IQCM: variants seen among roughly 807,000 people sequenced by gnomAD.
The protein encoded by IQCM is IQ motif containing M.
In IQCM, 45 loss-of-function variants were observed where a neutral mutation model predicts 57.6. The ratio of observed to expected loss-of-function variants is 0.78; its 90% confidence interval spans 0.62 to 1.00. The LOEUF is 1.00. IQCM is among the 50% of genes least tolerant of loss of function. The pLI is 0.00. For synonymous variants in IQCM, 148 were observed against 158.9 expected (o/e 0.93, Z 0.51); for missense variants, 468 against 511.6 (o/e 0.91, Z 0.82).
chr4:149,491,762 CT>C (rs1356892592), intron 12 of IQCM, among the ~76,000 whole-genome samples: 2 of 151,968 alleles, frequency 1.3e-5, no homozygotes, highest in Non-Finnish European at 2.9e-5. Context: ...TTTCCTTTGT[CT>C]ACACACTCAG....
chr4:149,370,532 CATACACACT>C (rs1200700656), intron 13 of IQCM, among the ~76,000 whole-genome samples: 1 of 151,660 alleles, frequency 6.6e-6, no homozygotes, highest in Non-Finnish European at 1.5e-5. Context: ...TACACACACA[CATACACACT>C]ATACACACAC....
intron 12 of IQCM, among the ~76,000 whole-genome samples, chr4:149,469,982 A>G (rs932212732): frequency 1.3e-5 from 2 of 152,224 alleles, no homozygotes; most frequent in Non-Finnish European, 2.9e-5. Context: ...AGCACTAAAC[A>G]TGGAAAGGAA....
intron 8 of IQCM, among the ~76,000 whole-genome samples, chr4:149,595,546 A>C: frequency 6.6e-6 from 1 of 152,156 alleles, no homozygotes; most frequent in Non-Finnish European, 1.5e-5. Flanking sequence ...TGGGCTATTA[A>C]CACTAGCATT....
chr4:149,515,071 C>CGTGTGTGTGTGTGTGTGTGT (rs58534209), intron 12 of IQCM, among the ~76,000 whole-genome samples: 2 of 142,794 alleles, frequency 1.4e-5, no homozygotes, highest in Non-Finnish European at 3.0e-5. Context: ...TATATATACA[C>CGTGTGTGTGTGTGTGTGTGT]GTGTGTGTGT....
intron 2 of IQCM, among the ~76,000 whole-genome samples, chr4:149,769,585 A>G (rs911511763): frequency 6.6e-6 from 1 of 152,018 alleles, no homozygotes; most frequent in Non-Finnish European, 1.5e-5. Flanking sequence ...AAGTAAAAGG[A>G]TAGAAAAGGT....
At chr4:149,579,425 G>A (rs529946451) in intron 9 of IQCM, among the ~76,000 whole-genome samples, 1 of 151,960 alleles carries the variant, frequency 6.6e-6, no homozygotes, top group South Asian at 2.1e-4. Flanking sequence ...AACAGTAACT[G>A]GTTATTTTGT....
At chr4:149,762,240 A>T (rs1769591719) in intron 2 of IQCM, among the ~76,000 whole-genome samples, 1 of 152,018 alleles carries the variant, frequency 6.6e-6, no homozygotes, top group Non-Finnish European at 1.5e-5. Context: ...GATGAAAAAA[A>T]AAAAGAAATG....
intron 12 of IQCM, among the ~76,000 whole-genome samples, chr4:149,505,107 G>T (rs1743656691): frequency 6.6e-6 from 1 of 152,092 alleles, no homozygotes; most frequent in African/African-American, 2.4e-5. Context: ...AACTAAGACA[G>T]CAACCTATAG....
At chr4:149,353,285 A>G (rs2110862468) in intron 13 of IQCM, among the ~76,000 whole-genome samples, 1 of 152,296 alleles carries the variant, frequency 6.6e-6, no homozygotes, top group East Asian at 1.9e-4. Context: ...CTAGATAACA[A>G]ATGTTAGCAA....
intron 12 of IQCM, among the ~76,000 whole-genome samples, chr4:149,477,876 T>C (rs912937192): frequency 6.6e-6 from 1 of 152,134 alleles, no homozygotes; most frequent in African/African-American, 2.4e-5. Flanking sequence ...AACAGAGCTC[T>C]CAAAGAAAGG....
intron 13 of IQCM, among the ~76,000 whole-genome samples, chr4:149,387,761 C>T (rs1322488858): frequency 2.6e-5 from 4 of 151,926 alleles, no homozygotes; most frequent in African/African-American, 9.7e-5. Context: ...CGAAATTGTG[C>T]AATCTATCAT....
At chr4:149,684,008 T>C (rs548872158) in intron 6 of IQCM, among the ~76,000 whole-genome samples, 15 of 151,374 alleles carry the variant, frequency 9.9e-5, no homozygotes, top group Non-Finnish European at 1.8e-4. Flanking sequence ...AATTACAGAA[T>C]GCATTTACTG....
chr4:149,779,439 A>T (rs1449588939), intron 2 of IQCM, among the ~76,000 whole-genome samples: 1 of 152,170 alleles, frequency 6.6e-6, no homozygotes, highest in African/African-American at 2.4e-5. Context: ...AACAGAGTAG[A>T]GCACCCAGAA....
intron 8 of IQCM, among the ~76,000 whole-genome samples, chr4:149,602,938 G>C (rs940015876): frequency 1.5e-4 from 23 of 152,028 alleles, no homozygotes; most frequent in African/African-American, 4.6e-4. Flanking sequence ...AAGGAAAAAG[G>C]TAGGAGTAGG....
chr4:149,725,265 C>G (rs1765790312), intron 5 of IQCM, among the ~76,000 whole-genome samples: 1 of 152,110 alleles, frequency 6.6e-6, no homozygotes, highest in South Asian at 2.1e-4. Context: ...ACTACATACT[C>G]TAAACACGCA....
At chr4:149,508,759 G>C (rs1744092522) in intron 12 of IQCM, among the ~76,000 whole-genome samples, 1 of 152,156 alleles carries the variant, frequency 6.6e-6, no homozygotes. Context: ...GATTGGTTTT[G>C]AAATGTGAGG....
At chr4:149,623,878 A>G (rs1756565122) in intron 7 of IQCM, among the ~76,000 whole-genome samples, 2 of 152,188 alleles carry the variant, frequency 1.3e-5, no homozygotes. Context: ...GGAAAACGCA[A>G]TATCAAGATT....
At chr4:149,591,872 T>C (rs142973918) in intron 8 of IQCM, among the ~76,000 whole-genome samples, 517 of 152,294 alleles carry the variant, frequency 3.4e-3, no homozygotes, top group Middle Eastern at 6.8e-3. Context: ...TTTGGGTTGG[T>C]TCCAAGTCTT....
chr4:149,772,714 T>G (rs1770702977), intron 2 of IQCM, among the ~76,000 whole-genome samples: 1 of 152,246 alleles, frequency 6.6e-6, no homozygotes, highest in Non-Finnish European at 1.5e-5. Context: ...GGTCATTTTC[T>G]GTGCTGTCGT....
Sources: gnomAD v4.1 joint callset for allele counts (sites outside exome capture counted in the v4.1 genomes callset) on GRCh38, gnomAD v4.1.1 for gene constraint, MANE v1.5 for transcripts, NCBI Gene and HGNC (gene_info 2026-07-23, HGNC 2026-07-21) for gene names.